The following GPSM2 variants were observed in gnomAD, a reference collection of about 807,000 sequenced individuals.
The protein encoded by GPSM2 is G protein signaling modulator 2.
A neutral mutation model predicts 78.4 loss-of-function variants in GPSM2; 58 were observed. The observed-to-expected ratio is 0.74, with a 90% CI of 0.60 to 0.92. The LOEUF is 0.92. Among genes scored for constraint, GPSM2 ranks in the 40% least tolerant of loss-of-function variants. GPSM2 has a pLI of 0.00. For synonymous variants in GPSM2, 224 were observed against 280.2 expected, an observed-to-expected ratio of 0.80 and a Z score of 2.00; for missense variants, 700 against 815.5, an observed-to-expected ratio of 0.86 and a Z score of 1.73.
In GPSM2 at chr1:108,934,312, T is replaced by C. The variant is rs1652514356; in HGVS notation, c.*4372T>C. 1 of 210,694 alleles carries C rather than the reference T, an allele frequency of 4.7e-6. No individual in the cohort carries two copies. The highest frequency in any genetic ancestry group is 9.6e-6 in the Non-Finnish European group (1 of 104,142). The allele number at this position is 210,694 out of a possible 1,614,324, so 13.1% of individuals were successfully genotyped here. On this transcript the variant is annotated 3_prime_UTR_variant, in exon 15 of 15. Coordinates refer to ENST00000264126, the MANE Select transcript of GPSM2 (RefSeq NM_013296.5). ...TCACTAGGCAATGTAAATTGGTTAG[T>C]GGGTTCCCGTAAGTGCCTGTAACAA...
At chr1:108,890,008 A>G (rs779883473) in intron 2 of GPSM2, among the ~76,000 whole-genome samples, 1 of 151,826 alleles carries the variant, frequency 6.6e-6, no homozygotes, top group Non-Finnish European at 1.5e-5. Flanking sequence ...CTCCCTTCCC[A>G]CTTTCTTTGT....
intron 2 of GPSM2, among the ~76,000 whole-genome samples, chr1:108,892,738 A>G (rs578087128): frequency 6.6e-6 from 1 of 152,322 alleles, no homozygotes; most frequent in South Asian, 2.1e-4. Flanking sequence ...CTCTGTTACT[A>G]TTTAATGATC....
At position 108,922,300 on chromosome 1, in the gene GPSM2, T is replaced by C. The variant is rs1015949063; in HGVS notation, c.1441-117T>C. The stretch of plus-strand genomic sequence containing the variant: ...CCATCTTGTATTCTTTTTCAAAATG[T>C]CAATTTTTAATCCTCATCCTTTACC... On this transcript the variant is annotated intron_variant, in intron 12 of 14. Transcript: ENST00000264126. 1.1e-5 allele frequency: 8 copies of C among 745,506 alleles called. No individual in the cohort carries two copies. In the African/African-American group the frequency reaches 1.2e-4, roughly 12 times the overall value. 46.2% of individuals were successfully genotyped at this position (745,506 alleles called of 1,614,324 possible). A position where few individuals can be genotyped will look rare whatever the true frequency, so the allele number is the denominator to read the frequency against.
At chr1:108,926,195 G>A (rs537451826) in intron 14 of GPSM2, 1 of 152,342 alleles carries the variant, frequency 6.6e-6, no homozygotes, top group Admixed American at 6.5e-5. Context: ...AGTAAAACTA[G>A]TGAGTGCAAT....
At chr1:108,877,394 G>A (rs1665684908) in intron 1 of GPSM2, 166 bp downstream of exon 1, 1 of 152,318 alleles carries the variant, frequency 6.6e-6, no homozygotes, top group Admixed American at 6.5e-5. Flanking sequence ...GGGACCTGTG[G>A]GCGCTGCGGG....
At chr1:108,880,807 G>T (rs937970379) in intron 1 of GPSM2, among the ~76,000 whole-genome samples, 10 of 152,194 alleles carry the variant, frequency 6.6e-5, no homozygotes, top group African/African-American at 2.4e-4. Context: ...TTACCAGTTT[G>T]TGTAGATCCA....
At chr1:108,911,345 T>C (rs1649725281) in intron 10 of GPSM2, among the ~76,000 whole-genome samples, 1 of 152,042 alleles carries the variant, frequency 6.6e-6, no homozygotes. Flanking sequence ...CTGGCCAACA[T>C]GGTGAGACCC....
rs1260172995 is a variant in GPSM2, at chr1:108,934,052, TA to T, written c.*4113del. 6.6e-6 allele frequency: 1 copy of T among 152,302 alleles called. No homozygotes were observed. Among genetic ancestry groups the T allele is most frequent in the Admixed American group, 6.5e-5 (1 of 15,286 alleles). 9.4% of individuals were successfully genotyped at this position (152,302 alleles called of 1,614,324 possible). A position where few individuals can be genotyped will look rare whatever the true frequency, so the allele number is the denominator to read the frequency against. ...AGATTACCAATATAACAAGCTATGT[TA>T]TCTAAATTGCCCTGGCAGTCTTCAG... On this transcript the variant is annotated 3_prime_UTR_variant, in exon 15 of 15. Coordinates refer to ENST00000264126, the MANE Select transcript of GPSM2 (RefSeq NM_013296.5).
In GPSM2 at chr1:108,931,789, A is replaced by G. The variant is rs1652017903; in HGVS notation, c.*1849A>G. Reference sequence around the variant, plus strand: ...GACAATATACCAAACCACAACGTAAAAAGTTTGTGTATACAAACTTTTTGT... The same window carrying G: ...GACAATATACCAAACCACAACGTAAGAAGTTTGTGTATACAAACTTTTTGT... On this transcript the variant is annotated 3_prime_UTR_variant, in exon 15 of 15. Coordinates refer to ENST00000264126, the MANE Select transcript of GPSM2 (RefSeq NM_013296.5). The G allele has an allele frequency of 4.8e-6, 1 of 207,728 alleles. No individual in the cohort carries two copies. The highest frequency in any genetic ancestry group is 9.6e-6 in the Non-Finnish European group (1 of 104,710). 12.9% of individuals were successfully genotyped at this position (207,728 alleles called of 1,614,324 possible).
chr1:108,881,161 C>T (rs182417628), intron 1 of GPSM2, among the ~76,000 whole-genome samples: 2 of 152,202 alleles, frequency 1.3e-5, no homozygotes, highest in East Asian at 3.9e-4. Flanking sequence ...TGTCAATTCC[C>T]GGGATATGGA....
intron 11 of GPSM2, among the ~76,000 whole-genome samples, chr1:108,915,544 A>G (rs1371648897): frequency 2.0e-5 from 3 of 150,150 alleles, no homozygotes; most frequent in Non-Finnish European, 4.4e-5. Context: ...CTCCTGCCTC[A>G]GCCTCCCGGG....
intron 7 of GPSM2, among the ~76,000 whole-genome samples, chr1:108,901,102 C>G (rs1182396548): frequency 6.6e-6 from 1 of 152,066 alleles, no homozygotes; most frequent in African/African-American, 2.4e-5. Flanking sequence ...AGATATTTCC[C>G]CCATTTTATA....
chr1:108,892,510 A>T (rs1250935818), intron 2 of GPSM2, among the ~76,000 whole-genome samples: 2 of 152,222 alleles, frequency 1.3e-5, no homozygotes, highest in Non-Finnish European at 2.9e-5. Context: ...TACTGTGTCT[A>T]TTTGAAGTTT....
At chr1:108,903,321 C>G (rs1013674793) in intron 9 of GPSM2, 87 bp downstream of exon 9, 6 of 732,112 alleles carry the variant, frequency 8.2e-6, no homozygotes, top group Admixed American at 4.1e-5. Context: ...CTAGATTGAT[C>G]ATGTGGCTGA....
intron 5 of GPSM2, 52 bp from the exon 6 acceptor site, chr1:108,898,590 C>T: frequency 6.4e-7 from 1 of 1,570,584 alleles, no homozygotes; most frequent in Non-Finnish European, 8.8e-7. Context: ...AAATCACATA[C>T]ATAAAATTGT....
chr1:108,924,923 C>T (rs920123997), intron 14 of GPSM2, among the ~76,000 whole-genome samples: 2 of 152,060 alleles, frequency 1.3e-5, no homozygotes, highest in African/African-American at 4.8e-5. Flanking sequence ...CGTAGAGTGG[C>T]AAGGGTGTTA....
intron 10 of GPSM2, among the ~76,000 whole-genome samples, chr1:108,913,529 T>C (rs1422127590): frequency 6.6e-6 from 1 of 152,224 alleles, no homozygotes; most frequent in African/African-American, 2.4e-5. Context: ...TATGATACCA[T>C]TTATAAATGT....
intron 7 of GPSM2, 101 bp from the exon 8 acceptor site, chr1:108,901,689 C>A: frequency 1.2e-6 from 1 of 868,382 alleles, no homozygotes; most frequent in Non-Finnish European, 2.0e-6. Flanking sequence ...GATTTAAAGA[C>A]AGCAGAAAGC....
chr1:108,918,793 C>T lies in GPSM2; in HGVS notation c.1440+4C>T, dbSNP rs557163760. ...CCGAATTCCAAATTCTCAGAGGGTA[C>T]GTTTAAACTAAGTTTTTGAGTATTG... On this transcript the variant is annotated splice_donor_region_variant and intron_variant, in intron 12 of 14. Coordinates refer to ENST00000264126, the MANE Select transcript of GPSM2 (RefSeq NM_013296.5). 2.2e-5 allele frequency: 35 copies of T among 1,602,904 alleles called. No individual in the cohort carries two copies. In the East Asian group the frequency reaches 2.2e-4, roughly 10 times the overall value.
Sources: allele counts gnomAD v4.1 joint callset (sites outside exome capture counted in the v4.1 genomes callset), GRCh38; gene constraint gnomAD v4.1.1; transcripts MANE v1.5; gene names NCBI Gene and HGNC (gene_info 2026-07-23, HGNC 2026-07-21).